The following SYT1 variants were observed in gnomAD, a reference collection of about 807,000 sequenced individuals.
SYT1 encodes the protein synaptotagmin 1, also known as synaptotagmin-1.
SYT1 carries 8 observed loss-of-function variants against 44.8 expected under a neutral mutation model. That is an observed-to-expected ratio of 0.18 (90% confidence interval 0.10 to 0.32). The LOEUF (loss-of-function observed/expected upper bound fraction) is 0.32. Ranked by LOEUF, SYT1 falls within the 10% of genes least tolerant of loss-of-function variation. The pLI is 1.00. For synonymous variants in SYT1, 154 were observed against 188.8 expected (o/e 0.82, Z 1.51); for missense variants, 286 against 509.3 (o/e 0.56, Z 4.22).
chr12:79,060,576 T>G (rs1875308673), intron 3 of SYT1, among the ~76,000 whole-genome samples: 1 of 152,102 alleles, frequency 6.6e-6, no homozygotes, highest in South Asian at 2.1e-4. Flanking sequence ...TTAAACAGTA[T>G]TTTTCCTTTT....
In SYT1 at chr12:79,450,380, C is replaced by CTT. The variant is rs1183924549; in HGVS notation, c.*1257_*1258dup. The CTT allele has an allele frequency of 6.6e-6, 1 of 152,178 alleles. No homozygotes were observed. Among genetic ancestry groups the CTT allele is most frequent in the Non-Finnish European group, 1.5e-5 (1 of 68,014 alleles). 9.4% of individuals were successfully genotyped at this position (152,178 alleles called of 1,614,324 possible). A position where few individuals can be genotyped will look rare whatever the true frequency, so the allele number is the denominator to read the frequency against. On this transcript the variant is annotated 3_prime_UTR_variant, in exon 11 of 11. Transcript: ENST00000261205. ...GTGATCTTTTTATATGCTCTTTTTA[C>CTT]TTAAGTTTTAATTTGTCCTTTAAAA...
chr12:79,350,274 A>T, intron 8 of SYT1, among the ~76,000 whole-genome samples: 1 of 112,260 alleles, frequency 8.9e-6, no homozygotes. Context: ...TTTTTTTGAG[A>T]CGGAGTCTCG....
intron 2 of SYT1, among the ~76,000 whole-genome samples, chr12:79,014,122 C>CAAAAAAAAAAAAAAGAA (rs1871621426): frequency 2.5e-5 from 1 of 39,738 alleles, no homozygotes; most frequent in Non-Finnish European, 5.7e-5. Context: ...AGACTCTCTC[C>CAAAAAAAAAAAAAAGAA]AAAAAAAAAA....
intron 9 of SYT1, among the ~76,000 whole-genome samples, chr12:79,394,517 A>G (rs958166232): frequency 3.3e-5 from 5 of 152,228 alleles, no homozygotes; most frequent in Admixed American, 2.6e-4. Flanking sequence ...AACCCATTTA[A>G]GCTAATAAAG....
At chr12:78,954,619 A>T (rs1053393192) in intron 1 of SYT1, among the ~76,000 whole-genome samples, 21 of 152,096 alleles carry the variant, frequency 1.4e-4, no homozygotes, top group Admixed American at 1.0e-3. Context: ...TGTTGTGCAT[A>T]TGATATTTAC....
intron 4 of SYT1, among the ~76,000 whole-genome samples, chr12:79,219,611 C>G (rs1875030753): frequency 6.6e-6 from 1 of 152,020 alleles, no homozygotes. Flanking sequence ...TGTTCTTTCT[C>G]CATTGTGGGT....
chr12:79,119,772 T>C (rs1879494019), intron 3 of SYT1, among the ~76,000 whole-genome samples: 2 of 152,148 alleles, frequency 1.3e-5, no homozygotes, highest in Non-Finnish European at 2.9e-5. Context: ...TTTGGAAGAT[T>C]CCTTTACTTC....
intron 3 of SYT1, among the ~76,000 whole-genome samples, chr12:79,147,138 C>T (rs1869971512): frequency 6.6e-6 from 1 of 152,140 alleles, no homozygotes; most frequent in Non-Finnish European, 1.5e-5. Context: ...CGTGCCCGGC[C>T]AGCATATATC....
intron 4 of SYT1, among the ~76,000 whole-genome samples, chr12:79,259,239 GA>G (rs1877698179): frequency 6.6e-6 from 1 of 152,056 alleles, no homozygotes; most frequent in African/African-American, 2.4e-5. Context: ...TGAATGTCTA[GA>G]ATTAATATTT....
At chr12:79,128,919 T>A (rs1868621010) in intron 3 of SYT1, among the ~76,000 whole-genome samples, 2 of 152,262 alleles carry the variant, frequency 1.3e-5, no homozygotes, top group Admixed American at 1.3e-4. Flanking sequence ...ATGATTTCTA[T>A]ATGCTATTCT....
intron 3 of SYT1, among the ~76,000 whole-genome samples, chr12:79,077,290 A>T (rs961003779): frequency 1.3e-5 from 2 of 152,164 alleles, no homozygotes; most frequent in Non-Finnish European, 2.9e-5. Context: ...CCTAATTCTG[A>T]TATTAAACAT....
At chr12:79,199,772 G>T (rs1216644820) in intron 3 of SYT1, among the ~76,000 whole-genome samples, 1 of 152,016 alleles carries the variant, frequency 6.6e-6, no homozygotes, top group Non-Finnish European at 1.5e-5. Flanking sequence ...TACTGTGGTA[G>T]GGATTGAGAC....
At chr12:79,393,553 C>T (rs1486157237) in intron 9 of SYT1, 2 of 152,106 alleles carry the variant, frequency 1.3e-5, no homozygotes, top group Non-Finnish European at 2.9e-5. Flanking sequence ...CTCTGATGAC[C>T]AGTGATGATG....
chr12:79,290,887 T>C (rs1879548988), intron 5 of SYT1, among the ~76,000 whole-genome samples: 1 of 152,178 alleles, frequency 6.6e-6, no homozygotes, highest in African/African-American at 2.4e-5. Context: ...AAATGGTTAA[T>C]GTAAAAGTTT....
chr12:79,200,780 CAT>C (rs148326753), intron 3 of SYT1, among the ~76,000 whole-genome samples: 163 of 152,288 alleles, frequency 1.1e-3, no homozygotes, highest in African/African-American at 3.5e-3. Context: ...TAGATTCCAA[CAT>C]AGAGTTTCTA....
chr12:79,273,660 C>T lies in SYT1; in HGVS notation c.167-12127C>T, dbSNP rs139472439. Among the ~76,000 whole-genome samples, 680 of 152,208 alleles carry T rather than the reference C, an allele frequency of 4.5e-3. 1 individual carries two copies. The highest frequency in any genetic ancestry group is 0.015 in the African/African-American group (643 of 41,514). ...TGAGCAGCGAGGAGGATATGAGGAG[C>T]GGCATCAGGACACACTTTGCAGGCA... On this transcript the variant is annotated intron_variant, in intron 4 of 10. Coordinates refer to ENST00000261205, the MANE Select transcript of SYT1 (RefSeq NM_005639.3).
intron 5 of SYT1, among the ~76,000 whole-genome samples, chr12:79,290,897 T>C: frequency 6.6e-6 from 1 of 152,176 alleles, no homozygotes; most frequent in Non-Finnish European, 1.5e-5. Flanking sequence ...TGTAAAAGTT[T>C]GTAATCTTTT....
intron 3 of SYT1, among the ~76,000 whole-genome samples, chr12:79,114,952 G>A (rs985536228): frequency 6.6e-6 from 1 of 152,108 alleles, no homozygotes; most frequent in African/African-American, 2.4e-5. Context: ...GTTAGTATAT[G>A]CAATTATTCT....
chr12:79,025,980 A>C (rs898490145), intron 2 of SYT1, among the ~76,000 whole-genome samples: 4 of 151,686 alleles, frequency 2.6e-5, no homozygotes, highest in African/African-American at 4.8e-5. Context: ...GATATAAGAT[A>C]CTGAAAATAG....
Sources: gnomAD v4.1 joint callset for allele counts (sites outside exome capture counted in the v4.1 genomes callset) on GRCh38, gnomAD v4.1.1 for gene constraint, MANE v1.5 for transcripts, NCBI Gene and HGNC (gene_info 2026-07-23, HGNC 2026-07-21) for gene names.